Variants in DAB1 observed in about 807,000 individuals in gnomAD.
DAB1 encodes disabled homolog 1.
DAB1 carries 15 observed loss-of-function variants against 64.6 expected under a neutral mutation model. The ratio of observed to expected loss-of-function variants is 0.23; its 90% confidence interval spans 0.16 to 0.36. The LOEUF (loss-of-function observed/expected upper bound fraction) is 0.36. Among genes scored for constraint, DAB1 ranks in the 10% least tolerant of loss-of-function variants. DAB1 has a pLI of 1.00. For synonymous variants in DAB1, 235 were observed against 251.9 expected (o/e 0.93, Z 0.64); for missense variants, 596 against 706.7 (o/e 0.84, Z 1.78).
Position 57,958,388 on chromosome 1 carries a change from G to A in DAB1, n.388-74226C>T, listed in dbSNP as rs888554212. 2.6e-5 allele frequency among the ~76,000 whole-genome samples: 4 copies of A among 152,264 alleles called. No homozygotes were observed. The East Asian group carries it at 7.7e-4, about 29-fold the overall frequency. On this transcript the variant is annotated intron_variant and non_coding_transcript_variant, in intron 5 of 20. Coordinates refer to the DAB1 transcript ENST00000485760. Reference sequence around the variant, plus strand: ...TTCAACAAGTATTGCTTTATGATATGCCAGACACTGATATAAATGCCAGGC... The same window carrying A: ...TTCAACAAGTATTGCTTTATGATATACCAGACACTGATATAAATGCCAGGC...
At chr1:57,638,607 A>G (rs944201577) in intron 7 of DAB1, among the ~76,000 whole-genome samples, 3 of 152,190 alleles carry the variant, frequency 2.0e-5, no homozygotes, top group African/African-American at 7.2e-5. Flanking sequence ...ATTATCACCT[A>G]TTTCCTAATC....
chr1:57,639,935 A>AAG (rs143278500), intron 7 of DAB1, among the ~76,000 whole-genome samples: 6 of 152,322 alleles, frequency 3.9e-5, no homozygotes, highest in Non-Finnish European at 7.3e-5. Flanking sequence ...AGATAAAAGA[A>AAG]AGGTCCCCAA....
chr1:57,521,468 A>G (rs991664090), intron 7 of DAB1, among the ~76,000 whole-genome samples: 2 of 152,160 alleles, frequency 1.3e-5, no homozygotes, highest in Non-Finnish European at 2.9e-5. Context: ...GGGAAGCTAA[A>G]CCATATTCAT....
At chr1:57,713,749 T>C (rs1647052450) in intron 6 of DAB1, among the ~76,000 whole-genome samples, 1 of 152,202 alleles carries the variant, frequency 6.6e-6, no homozygotes, top group Admixed American at 6.5e-5. Flanking sequence ...GATCAGAGTA[T>C]GGATGTTGGA....
At chr1:57,368,663 C>T (rs563814344) in intron 1 of DAB1, among the ~76,000 whole-genome samples, 1 of 152,240 alleles carries the variant, frequency 6.6e-6, no homozygotes, top group East Asian at 1.9e-4. Flanking sequence ...GAGGAGCTAC[C>T]CACTGCAGGT....
intron 7 of DAB1, among the ~76,000 whole-genome samples, chr1:57,562,839 C>G (rs1162617625): frequency 2.0e-5 from 3 of 152,168 alleles, no homozygotes; most frequent in African/African-American, 7.2e-5. Context: ...ACTTTGGGCT[C>G]CTCCTCCCTT....
intron 9 of DAB1, among the ~76,000 whole-genome samples, chr1:57,034,702 A>ATGATTTCC (rs1377828100): frequency 2.6e-5 from 4 of 152,210 alleles, no homozygotes; most frequent in Admixed American, 6.5e-5. Flanking sequence ...TATTCTTTGG[A>ATGATTTCC]TGATTTCCAA....
chr1:58,318,503 C>T (rs540559256), intron 4 of DAB1, among the ~76,000 whole-genome samples: 48 of 152,312 alleles, frequency 3.2e-4, no homozygotes, highest in African/African-American at 5.8e-4. Flanking sequence ...TCCTGCCCTC[C>T]GGGGCATATT....
chr1:57,983,539 A>G (rs1646119387), intron 5 of DAB1, among the ~76,000 whole-genome samples: 1 of 152,294 alleles, frequency 6.6e-6, no homozygotes, highest in East Asian at 1.9e-4. Flanking sequence ...TCCTGCAGCC[A>G]GGAAGCAAAA....
intron 5 of DAB1, among the ~76,000 whole-genome samples, chr1:57,994,472 G>A (rs998058216): frequency 6.6e-6 from 1 of 152,158 alleles, no homozygotes; most frequent in Non-Finnish European, 1.5e-5. Flanking sequence ...AAGAGACTCA[G>A]AGCACAGGCC....
At chr1:57,820,776 C>A (rs955897233) in intron 6 of DAB1, among the ~76,000 whole-genome samples, 5 of 152,026 alleles carry the variant, frequency 3.3e-5, no homozygotes, top group Admixed American at 1.3e-4. Context: ...AAAATTAAAC[C>A]ATAATTTCAT....
chr1:57,708,909 G>A (rs1454233327), intron 6 of DAB1, among the ~76,000 whole-genome samples: 1 of 151,898 alleles, frequency 6.6e-6, no homozygotes, highest in Non-Finnish European at 1.5e-5. Flanking sequence ...AATTGTTTTG[G>A]CTCCTACGAA....
At chr1:57,183,471 C>T (rs1249114742) in intron 2 of DAB1, among the ~76,000 whole-genome samples, 3 of 152,116 alleles carry the variant, frequency 2.0e-5, no homozygotes, top group Non-Finnish European at 4.4e-5. Context: ...GCATGTGGTT[C>T]CATGTCCTGG....
intron 3 of DAB1, among the ~76,000 whole-genome samples, chr1:57,144,277 T>G (rs1658892711): frequency 6.6e-6 from 1 of 152,134 alleles, no homozygotes; most frequent in South Asian, 2.1e-4. Context: ...AAACCATTTA[T>G]TTTTTCAATA....
chr1:57,301,506 G>A (rs946344052), intron 1 of DAB1, among the ~76,000 whole-genome samples: 1 of 152,126 alleles, frequency 6.6e-6, no homozygotes, highest in East Asian at 1.9e-4. Context: ...TGAGTAACAC[G>A]AACTATTGCT....
chr1:58,062,031 TC>T (rs1648533420), intron 5 of DAB1, among the ~76,000 whole-genome samples: 1 of 152,134 alleles, frequency 6.6e-6, no homozygotes, highest in Non-Finnish European at 1.5e-5. Context: ...CCCCAAAAAA[TC>T]ATTTTGCTGA....
chr1:57,176,006 AT>A (rs1213111986), intron 2 of DAB1, among the ~76,000 whole-genome samples: 1 of 152,086 alleles, frequency 6.6e-6, no homozygotes, highest in Non-Finnish European at 1.5e-5. Context: ...TAGGTGTGTA[AT>A]TTTAAGTTAT....
intron 7 of DAB1, among the ~76,000 whole-genome samples, chr1:57,472,121 A>T (rs1275594062): frequency 6.6e-6 from 1 of 152,244 alleles, no homozygotes; most frequent in African/African-American, 2.4e-5. Flanking sequence ...TTACCTAGTG[A>T]GTATGTGGCA....
At chr1:57,404,367 C>T (rs1224086283) in intron 1 of DAB1, among the ~76,000 whole-genome samples, 1 of 152,112 alleles carries the variant, frequency 6.6e-6, no homozygotes, top group African/African-American at 2.4e-5. Flanking sequence ...ATGCTTAATG[C>T]AATATCTGTT....
Sources: gnomAD v4.1 joint callset for allele counts (sites outside exome capture counted in the v4.1 genomes callset) on GRCh38, gnomAD v4.1.1 for gene constraint, MANE v1.5 for transcripts, NCBI Gene and HGNC (gene_info 2026-07-23, HGNC 2026-07-21) for gene names.